Variants in CLASRP observed in about 807,000 individuals in gnomAD.
CLASRP encodes CLK4-associating serine/arginine rich protein.
A neutral mutation model predicts 99.9 loss-of-function variants in CLASRP; 52 were observed. The ratio of observed to expected loss-of-function variants is 0.52; its 90% CI spans 0.42 to 0.66. The LOEUF (loss-of-function observed/expected upper bound fraction) is 0.66. Among genes scored for constraint, CLASRP ranks in the 30% least tolerant of loss-of-function variants. The probability of loss-of-function intolerance (pLI) is 0.00; values close to 1 mark genes in which losing one functional copy is unlikely to be tolerated. For missense variants in CLASRP, 848 were observed against 999.2 expected (o/e 0.85, Z 2.04); for synonymous variants, 379 against 373.0 (o/e 1.02, Z -0.18).
At chr19:45,065,190 C>T (rs1967056047) in intron 13 of CLASRP, among the ~76,000 whole-genome samples, 1 of 151,654 alleles carries the variant, frequency 6.6e-6, no homozygotes, top group African/African-American at 2.4e-5. Context: ...CTCAGGAGTT[C>T]GAGACCACCC....
rs138808194 is a variant in CLASRP at position 45,058,861 on chromosome 19, G to A, written c.614-407G>A. Among the ~76,000 whole-genome samples the A allele has an allele frequency of 9.4e-5, 14 of 149,314 alleles. No individual in the cohort carries two copies. The East Asian group carries it at 2.0e-3, about 21-fold the overall frequency. The stretch of plus-strand genomic sequence containing the variant: ...GCCCCTGTTCAGTCCTCCCTCTCAC[G>A]TCAACCCCACCACACGCCTCACTCA... On this transcript the variant is annotated intron_variant, in intron 7 of 20. Transcript: ENST00000221455.
At chr19:45,064,774 T>TC (rs1900955863) in intron 13 of CLASRP, 144 bp downstream of exon 13, 1 of 1,409,260 alleles carries the variant, frequency 7.1e-7, no homozygotes, top group Admixed American at 2.9e-5. Context: ...CCACTGCTCT[T>TC]CCGCAGGAAG....
chr19:45,067,553 C>T lies in CLASRP; in HGVS notation c.1626C>T (p.Thr542=). 1.2e-6 allele frequency: 2 copies of T among 1,605,544 alleles called. No homozygotes were observed. Among genetic ancestry groups the T allele is most frequent in the Non-Finnish European group, 1.7e-6 (2 of 1,178,828 alleles). ...CATCACCCGCAAGAGAGAAGCTGACCAGGCCGGCCGCGTCCCCTGCTGTGG... is the reference window on the plus strand; with the variant it reads ...CATCACCCGCAAGAGAGAAGCTGACTAGGCCGGCCGCGTCCCCTGCTGTGG... The part of the protein sequence containing the change: ...PSPSPAREKL[T]RPAASPAVGE... The change falls in exon 14 of 21, where the codon ACC becomes ACT. Residue 542 remains threonine, a synonymous_variant. Transcript: ENST00000221455. This position sits in a 1 kb window ranked among gnomAD's most constrained non-coding sequence, Gnocchi z 4.9.
Position 45,064,171 on chromosome 19 carries a change from GC to G in CLASRP, c.1071del (p.Ala358HisfsTer151). ...AAASGVTTGK[P>X]PAPPQPGGPA... is the part of the protein sequence containing the mutation. Reference sequence around the variant, plus strand: ...CAGCATCAGGAGTCACCACAGGGAAGCCCCCCGCACCTCCCCAGCCTGGCGG... The same window carrying G: ...CAGCATCAGGAGTCACCACAGGGAAGCCCCCGCACCTCCCCAGCCTGGCGG... On this transcript the variant is annotated frameshift_variant, in exon 12 of 21. Coordinates refer to ENST00000221455, the MANE Select transcript of CLASRP (RefSeq NM_007056.3). LOFTEE classifies it high-confidence loss of function. The G allele has an allele frequency of 6.2e-7, 1 of 1,609,892 alleles. No homozygotes were observed.
At chr19:45,055,368 C>A (rs1972101764) in intron 5 of CLASRP, among the ~76,000 whole-genome samples, 1 of 152,138 alleles carries the variant, frequency 6.6e-6, no homozygotes, top group South Asian at 2.1e-4. Context: ...AGAGAGAAGG[C>A]CCGTGTGGCT....
chr19:45,052,986 TCCTATTTGGTACCGC>T, intron 4 of CLASRP, 94 bp downstream of exon 4: 1 of 1,522,702 alleles, frequency 6.6e-7, no homozygotes, highest in Non-Finnish European at 9.1e-7. Flanking sequence ...TAGGAGCCGT[TCCTATTTGGTACCGC>T]CCTGAGCCTG....
At chr19:45,063,100 A>G (rs529980532) in intron 11 of CLASRP, among the ~76,000 whole-genome samples, 8 of 152,310 alleles carry the variant, frequency 5.3e-5, no homozygotes, top group East Asian at 1.9e-4. Context: ...TGCTCCATAC[A>G]TGGGAGTGTC....
rs755941316 is a variant in CLASRP at position 45,064,209 on chromosome 19, G to A, written c.1103G>A (p.Gly368Glu). The A allele has an allele frequency of 2.1e-5, 33 of 1,599,378 alleles. No individual in the cohort carries two copies. The highest frequency in any genetic ancestry group is 2.8e-5 in the Non-Finnish European group (33 of 1,174,222). The change falls in exon 12 of 21, where the codon GGA becomes GAA. Residue 368 changes from glycine to glutamate, a missense_variant. By Grantham distance (98) the Gly-to-Glu change is moderately conservative (BLOSUM62 -2). Coordinates refer to ENST00000221455, the MANE Select transcript of CLASRP (RefSeq NM_007056.3). ...APPQPGGPAP[G>E]RNASARRRSS... The stretch of plus-strand genomic sequence containing the variant: ...CCCCAGCCTGGCGGCCCCGCCCCGG[G>A]ACGTAATGCCAGCGCCCGGTCGGTA...
At position 45,067,262 on chromosome 19, in the gene CLASRP, A is replaced by T; in HGVS notation, c.1410-75A>T. 1 of 1,430,518 alleles carries T rather than the reference A, an allele frequency of 7.0e-7. No individual in the cohort carries two copies. The highest frequency in any genetic ancestry group is 9.2e-7 in the Non-Finnish European group (1 of 1,092,320). The allele number at this position is 1,430,518 out of a possible 1,614,324, so 88.6% of individuals were successfully genotyped here. ...GGCCTTGCAGGAAGGAGGACTGTGG[A>T]TCCGGACCCAGGGTGGGGTGCGGTT... On this transcript the variant is annotated intron_variant, in intron 13 of 20. Transcript: ENST00000221455. This position sits in a 1 kb window ranked among gnomAD's most constrained non-coding sequence, Gnocchi z 4.9.
chr19:45,039,301 C>G (rs1259744750), intron 1 of CLASRP, among the ~76,000 whole-genome samples, 193 bp downstream of exon 1: 1 of 152,088 alleles, frequency 6.6e-6, no homozygotes, highest in Non-Finnish European at 1.5e-5. Flanking sequence ...CCAGAAGTTG[C>G]CGCGTCGAAC....
rs1967130384 is a variant in CLASRP at position 45,067,914 on chromosome 19, C to T, written c.1668-101C>T. ...CACCCTGGGGCATCTGAGGCCCATG[C>T]CTTGGCTACCTGGTCTGAGGGCAGT... On this transcript the variant is annotated intron_variant, in intron 14 of 20. Transcript: ENST00000221455. This position sits in a 1 kb window ranked among gnomAD's most constrained non-coding sequence, Gnocchi z 4.9. 3.3e-6 allele frequency: 3 copies of T among 901,234 alleles called. No individual in the cohort carries two copies. Among genetic ancestry groups the T allele is most frequent in the Non-Finnish European group, 3.7e-6 (2 of 537,662 alleles). 55.8% of individuals were successfully genotyped at this position (901,234 alleles called of 1,614,324 possible).
At chr19:45,056,349 G>C in intron 5 of CLASRP, 101 bp from the exon 6 acceptor site, 1 of 941,764 alleles carries the variant, frequency 1.1e-6, no homozygotes, top group South Asian at 1.4e-5. Flanking sequence ...AGGTGCACTG[G>C]GGTTGCACCT....
chr19:45,069,930 C>A, intron 18 of CLASRP, 92 bp from the exon 19 acceptor site: 1 of 748,962 alleles, frequency 1.3e-6, no homozygotes, highest in Non-Finnish European at 2.4e-6. Flanking sequence ...GGTTTACTGT[C>A]TTCCTCGGAG....
chr19:45,067,200 A>C lies in CLASRP; in HGVS notation c.1410-137A>C. The stretch of plus-strand genomic sequence containing the variant: ...TGCCGCTCTGGGACATTTTGGAGGG[A>C]GAGTAGCAGGAGAGGAGAGTCGAGC... On this transcript the variant is annotated intron_variant, in intron 13 of 20. Transcript: ENST00000221455. The surrounding 1 kb of genome is among the most constrained non-coding windows in gnomAD (Gnocchi z 4.9). 1 of 1,013,356 alleles carries C rather than the reference A, an allele frequency of 9.9e-7. No individual in the cohort carries two copies. Among genetic ancestry groups the C allele is most frequent in the Admixed American group, 3.0e-5 (1 of 33,054 alleles). 62.8% of individuals were successfully genotyped at this position (1,013,356 alleles called of 1,614,324 possible).
rs1311962780 is a variant in CLASRP, at chr19:45,064,387, CCTCCAGCTCCCGCTCCAGCTCTCG to C, written c.1182_1205del (p.Ser395_Ser402del). ...TCCTCCTCCTCTTCTGCCTCGAGGA[CCTCCAGCTCCCGCTCCAGCTCTCG>C]CTCCAGCTCCCGCTCTCGCCGTGGT... is the stretch of plus-strand genomic sequence containing the variant. On this transcript the variant is annotated inframe_deletion, in exon 13 of 21. Coordinates refer to ENST00000221455, the MANE Select transcript of CLASRP (RefSeq NM_007056.3). The C allele has an allele frequency of 1.2e-5, 18 of 1,531,008 alleles. No individual in the cohort carries two copies. The highest frequency in any genetic ancestry group is 2.7e-5 in the African/African-American group (2 of 72,778). 94.8% of individuals were successfully genotyped at this position (1,531,008 alleles called of 1,614,324 possible).
chr19:45,064,392 A>AGCTCCC lies in CLASRP; in HGVS notation c.1177_1182dup (p.Arg393_Ser394dup). 6.5e-7 allele frequency: 1 copy of AGCTCCC among 1,530,168 alleles called. No individual in the cohort carries two copies. Among genetic ancestry groups the AGCTCCC allele is most frequent in the Non-Finnish European group, 8.8e-7 (1 of 1,141,866 alleles). 94.8% of individuals were successfully genotyped at this position (1,530,168 alleles called of 1,614,324 possible). ...CTCCTCTTCTGCCTCGAGGACCTCC[A>AGCTCCC]GCTCCCGCTCCAGCTCTCGCTCCAG... On this transcript the variant is annotated inframe_insertion, in exon 13 of 21. Coordinates refer to ENST00000221455, the MANE Select transcript of CLASRP (RefSeq NM_007056.3).
At chr19:45,069,508 T>A in intron 18 of CLASRP, 2 of 584,424 alleles carry the variant, frequency 3.4e-6, no homozygotes, top group East Asian at 5.7e-5. Context: ...CCTTTGCTGT[T>A]TTTTTGGCCT....
intron 18 of CLASRP, 106 bp downstream of exon 18, chr19:45,069,354 G>T: frequency 1.8e-6 from 2 of 1,130,608 alleles, no homozygotes; most frequent in Non-Finnish European, 2.6e-6. Flanking sequence ...GTGGGTGGAT[G>T]AAAGGCAGAG....
Position 45,053,079 on chromosome 19 carries a change from G to T in CLASRP, c.300-19G>T. Reference sequence around the variant, plus strand: ...TCCACTCCTTCTCTCTGATTTCAAGGTCTCGCCCTTCCCTAAAGCTCCCCA... The same window carrying T: ...TCCACTCCTTCTCTCTGATTTCAAGTTCTCGCCCTTCCCTAAAGCTCCCCA... On this transcript the variant is annotated intron_variant, in intron 4 of 20. Transcript: ENST00000221455. The T allele has an allele frequency of 6.2e-7, 1 of 1,613,756 alleles. No homozygotes were observed. The highest frequency in any genetic ancestry group is 1.3e-5 in the African/African-American group (1 of 74,924).
Sources: gnomAD v4.1 joint callset for allele counts (sites outside exome capture counted in the v4.1 genomes callset) on GRCh38, gnomAD v4.1.1 for gene constraint, Gnocchi (gnomAD v3.1) non-coding constraint, MANE v1.5 for transcripts, NCBI Gene and HGNC (gene_info 2026-07-23, HGNC 2026-07-21) for gene names.